LYST: variants seen among roughly 807,000 people sequenced by gnomAD.
The protein encoded by LYST is lysosomal-trafficking regulator.
In LYST, 192 loss-of-function variants were observed where a neutral mutation model predicts 413.6. That is an observed-to-expected ratio of 0.46 (90% CI 0.41 to 0.52). The LOEUF (loss-of-function observed/expected upper bound fraction) is 0.52, where lower values mean the gene tolerates loss of function less well. Among genes scored for constraint, LYST ranks in the 20% least tolerant of loss-of-function variants. The pLI is 0.00. For synonymous variants in LYST, 1,525 were observed against 1,567.3 expected (o/e 0.97, Z 0.64); for missense variants, 3,815 against 4,499.9 (o/e 0.85, Z 4.35).
At chr1:235,840,169 T>A (rs1677057922) in intron 1 of LYST, 1 of 152,188 alleles carries the variant, frequency 6.6e-6, no homozygotes, top group South Asian at 2.1e-4. Flanking sequence ...TCAAGAAGAT[T>A]ACATTACGGT....
At chr1:235,738,426 T>C (rs1665012226) in intron 31 of LYST, 1 of 1,613,474 alleles carries the variant, frequency 6.2e-7, no homozygotes. Flanking sequence ...GTGGATATCT[T>C]TGACCTATAG....
intron 45 of LYST, among the ~76,000 whole-genome samples, chr1:235,701,555 G>A (rs567401550): frequency 1.3e-5 from 2 of 152,268 alleles, no homozygotes; most frequent in Admixed American, 1.3e-4. Flanking sequence ...TTGAACCCGG[G>A]AGGCAGAGGT....
chr1:235,742,103 T>C (rs1419353760), intron 30 of LYST, among the ~76,000 whole-genome samples: 1 of 151,948 alleles, frequency 6.6e-6, no homozygotes, highest in East Asian at 1.9e-4. Context: ...TACTGGGTAA[T>C]GGGGGAAGGG....
At chr1:235,792,597 G>C (rs974234316) in intron 11 of LYST, among the ~76,000 whole-genome samples, 2 of 151,606 alleles carry the variant, frequency 1.3e-5, no homozygotes, top group African/African-American at 4.8e-5. Context: ...TTACAGGCGT[G>C]AGTCACCATG....
At chr1:235,773,455 G>A (rs916778292) in intron 19 of LYST, among the ~76,000 whole-genome samples, 3 of 151,942 alleles carry the variant, frequency 2.0e-5, no homozygotes, top group African/African-American at 4.8e-5. Context: ...TATATAGAAC[G>A]GAATATTATT....
intron 40 of LYST, among the ~76,000 whole-genome samples, chr1:235,719,314 G>C (rs939514889): frequency 1.3e-5 from 2 of 152,060 alleles, no homozygotes; most frequent in African/African-American, 2.4e-5. Context: ...CACCACGCCT[G>C]GCCAACTTCT....
chr1:235,662,494 A>G lies in LYST; in HGVS notation c.*446T>C, dbSNP rs74986567. 3,787 of 189,310 alleles carry G rather than the reference A, an allele frequency of 0.02. 147 individuals carry two copies. Among genetic ancestry groups the G allele is most frequent in the African/African-American group, 0.085 (3,551 of 41,968 alleles). 11.7% of individuals were successfully genotyped at this position (189,310 alleles called of 1,614,324 possible). On this transcript the variant is annotated 3_prime_UTR_variant, in exon 53 of 53. Transcript: ENST00000389793. Reference sequence around the variant, plus strand: ...CTTTTTTTCTTTCCTCTTTTGGAGCATGTGTGTGTGGTGGGAGGAGTATTT... The same window carrying G: ...CTTTTTTTCTTTCCTCTTTTGGAGCGTGTGTGTGTGGTGGGAGGAGTATTT...
intron 1 of LYST, among the ~76,000 whole-genome samples, chr1:235,864,914 G>A (rs974165360): frequency 2.0e-5 from 3 of 152,130 alleles, no homozygotes; most frequent in Admixed American, 2.0e-4. Flanking sequence ...GGGAGACAAA[G>A]TGAGATCCTG....
intron 11 of LYST, among the ~76,000 whole-genome samples, chr1:235,793,129 A>G (rs1671196147): frequency 6.6e-6 from 1 of 152,244 alleles, no homozygotes; most frequent in Admixed American, 6.5e-5. Flanking sequence ...AGCATAGACA[A>G]TAATTGAAGA....
intron 28 of LYST, among the ~76,000 whole-genome samples, chr1:235,749,481 G>A (rs1351554213): frequency 6.6e-6 from 1 of 152,144 alleles, no homozygotes; most frequent in African/African-American, 2.4e-5. Flanking sequence ...GACCTGGGAT[G>A]AGTAGATGTG....
At chr1:235,865,732 C>T (rs577421969) in intron 1 of LYST, among the ~76,000 whole-genome samples, 5 of 152,202 alleles carry the variant, frequency 3.3e-5, no homozygotes, top group Non-Finnish European at 7.3e-5. Context: ...AAGTCAACAT[C>T]TTTATTAGCA....
intron 1 of LYST, among the ~76,000 whole-genome samples, chr1:235,834,655 A>C (rs1676367432): frequency 6.6e-6 from 1 of 152,222 alleles, no homozygotes; most frequent in African/African-American, 2.4e-5. Flanking sequence ...AAGATAAACC[A>C]GGCAGAAAAC....
rs370958080 is a variant in LYST, at chr1:235,809,837, G to T, written c.981C>A (p.Leu327=). ...EEPVALIQRM[L]FRTVLHLLSV... ...ACAGAAGATGCAACACTGTTCGAAA[G>T]AGCATCCTTTGAATCAAAGCCACCG... is the stretch of plus-strand genomic sequence containing the variant. The change falls in exon 5 of 53, where the codon CTC becomes CTA. Residue 327 remains leucine (L), a synonymous_variant. Transcript: ENST00000389793. This position sits in a 1 kb window ranked among gnomAD's most constrained non-coding sequence, Gnocchi z 4.0. 9.3e-6 allele frequency: 15 copies of T among 1,613,862 alleles called. No individual in the cohort carries two copies. The African/African-American group carries it at 1.6e-4, about 17-fold the overall frequency.
At chr1:235,685,835 G>T (rs1461570002) in intron 48 of LYST, among the ~76,000 whole-genome samples, 3 of 148,306 alleles carry the variant, frequency 2.0e-5, no homozygotes, top group Non-Finnish European at 4.4e-5. Flanking sequence ...GACAGAGTGA[G>T]ACTCTGTCTT....
intron 1 of LYST, among the ~76,000 whole-genome samples, chr1:235,874,958 G>A (rs1018375526): frequency 6.6e-6 from 1 of 152,248 alleles, no homozygotes; most frequent in Admixed American, 6.5e-5. Context: ...CCAACCAGCA[G>A]CATCAGCATT....
intron 1 of LYST, among the ~76,000 whole-genome samples, chr1:235,850,568 A>G (rs567977323): frequency 1.3e-5 from 2 of 152,352 alleles, no homozygotes; most frequent in East Asian, 3.9e-4. Context: ...GGCAAAAGTA[A>G]CAGTCAGCAG....
At position 235,770,168 on chromosome 1, in the gene LYST, C is replaced by T; in HGVS notation, c.5914G>A (p.Val1972Ile). The change falls in exon 20 of 53, where the codon GTT becomes ATT. Residue 1972 changes from valine (V) to isoleucine (I), a missense_variant. By Grantham distance (29) the Val-to-Ile change is conservative. Around this residue, in one of 4 missense-constraint regions of LYST, gnomAD observed 530 missense variants for 696.5 expected, o/e 0.76. Coordinates refer to ENST00000389793, the MANE Select transcript of LYST (RefSeq NM_000081.4). ...VVHHFLLTCQ[V>I]LQEYKEGQLT... ...AGTTACATGAAAAGTACCTGCAAAACCTGACAAGTCAGTAGAAAGTGATGA... is the reference window on the plus strand; with the variant it reads ...AGTTACATGAAAAGTACCTGCAAAATCTGACAAGTCAGTAGAAAGTGATGA... 1 of 1,613,186 alleles carries T rather than the reference C, an allele frequency of 6.2e-7. No homozygotes were observed. The highest frequency in any genetic ancestry group is 1.1e-5 in the South Asian group (1 of 91,058).
At position 235,774,669 on chromosome 1, in the gene LYST, C is replaced by T. The variant is rs112414449; in HGVS notation, c.5634+244G>A. ...GGAGATATCTATGGCCCACCCAGGTCTAAAATTCAATGAGTTTCTTTCTTT... is the reference window on the plus strand; with the variant it reads ...GGAGATATCTATGGCCCACCCAGGTTTAAAATTCAATGAGTTTCTTTCTTT... On this transcript the variant is annotated intron_variant, in intron 18 of 52. Transcript: ENST00000389793. Among the ~76,000 whole-genome samples the T allele has an allele frequency of 2.5e-3, 375 of 152,070 alleles. 1 individual carries two copies. The highest frequency in any genetic ancestry group is 8.6e-3 in the African/African-American group (356 of 41,464).
At chr1:235,692,599 G>C (rs991802395) in intron 47 of LYST, among the ~76,000 whole-genome samples, 7 of 151,866 alleles carry the variant, frequency 4.6e-5, no homozygotes, top group African/African-American at 1.7e-4. Context: ...GGCCAGGCTG[G>C]TCTTGAACTC....
Sources: allele counts gnomAD v4.1 joint callset (sites outside exome capture counted in the v4.1 genomes callset), GRCh38; gene constraint gnomAD v4.1.1; regional missense constraint gnomAD v4.1.1; non-coding constraint Gnocchi (gnomAD v3.1); transcripts MANE v1.5; gene names NCBI Gene and HGNC (gene_info 2026-07-23, HGNC 2026-07-21).